Variants in SPACA6 observed in about 807,000 individuals in gnomAD.
SPACA6 encodes the protein sperm acrosome associated 6.
For missense variants in SPACA6, 8 were observed against 2.8 expected, an observed-to-expected ratio of 2.88 and a Z score of -1.34; for synonymous variants, 6 against 1.5, an observed-to-expected ratio of 4.05 and a Z score of -2.21.
upstream of SPACA6, chr19:51,687,609 T>C (rs147567396): frequency 1.2e-3 from 178 of 151,892 alleles, no homozygotes; most frequent in African/African-American, 4.1e-3. Flanking sequence ...CATAAGAAAT[T>C]AGTGAATATA....
intron 1 of SPACA6, chr19:51,694,011 A>C: frequency 3.2e-6 from 1 of 308,662 alleles, no homozygotes; most frequent in Non-Finnish European, 5.8e-6. Context: ...AGAGAGAGGA[A>C]GATGGAGACT....
chr19:51,698,920 T>G (rs2083448755), intron 2 of SPACA6, among the ~76,000 whole-genome samples: 1 of 152,190 alleles, frequency 6.6e-6, no homozygotes, highest in Non-Finnish European at 1.5e-5. Context: ...GTCCTCATGG[T>G]CCCGTGTGGC....
At chr19:51,694,413 G>C (rs1002645618) in intron 1 of SPACA6, 65 bp from the exon 2 acceptor site, 5 of 398,318 alleles carry the variant, frequency 1.3e-5, no homozygotes, top group Non-Finnish European at 2.2e-5. Context: ...CAGAATGTTC[G>C]CATTAGGGAC....
intron 2 of SPACA6, 64 bp downstream of exon 2, chr19:51,694,619 G>A: frequency 2.5e-6 from 1 of 399,496 alleles, no homozygotes; most frequent in Non-Finnish European, 4.4e-6. Context: ...ATGGGTATGT[G>A]GGAGGGCCCA....
intron 4 of SPACA6, 179 bp from the exon 5 acceptor site, chr19:51,702,842 A>T: frequency 2.5e-6 from 1 of 398,532 alleles, no homozygotes; most frequent in Non-Finnish European, 4.4e-6. Flanking sequence ...GCCGAAGCAA[A>T]CCAATAGGAA....
At chr19:51,702,799 A>G in intron 4 of SPACA6, 147 bp downstream of exon 4, 1 of 398,746 alleles carries the variant, frequency 2.5e-6, no homozygotes, top group Non-Finnish European at 4.4e-6. Flanking sequence ...AAAACCAAGT[A>G]TTGCTCTAAA....
intron 3 of SPACA6, 75 bp downstream of exon 3, chr19:51,701,801 G>A (rs2083470598): frequency 5.1e-6 from 2 of 392,514 alleles, no homozygotes; most frequent in Non-Finnish European, 9.0e-6. Context: ...GGCCGGGGAT[G>A]GTGGCTCACG....
upstream of SPACA6, chr19:51,692,722 C>T (rs750563203): frequency 6.0e-5 from 32 of 534,010 alleles, no homozygotes; most frequent in Non-Finnish European, 1.2e-5. This position sits in a 1 kb window ranked among gnomAD's most constrained non-coding sequence, Gnocchi z 5.6. Flanking sequence ...CGGCCCTCCC[C>T]CTCATCCCTG....
chr19:51,710,025 G>C (rs1479935752), downstream of SPACA6, among the ~76,000 whole-genome samples: 1 of 152,218 alleles, frequency 6.6e-6, no homozygotes, highest in African/African-American at 2.4e-5. Context: ...AAGGTGACCT[G>C]TGCGACTGAG....
At chr19:51,713,031 G>C, downstream of SPACA6, 1 of 182,020 alleles carries the variant, frequency 5.5e-6, no homozygotes, top group East Asian at 1.4e-4. The surrounding 1 kb of genome is among the most constrained non-coding windows in gnomAD (Gnocchi z 4.5). Context: ...GGTTCAAACG[G>C]CTAGCACCCA....
intron 2 of SPACA6, among the ~76,000 whole-genome samples, chr19:51,695,219 G>A (rs1216209703): frequency 6.6e-6 from 1 of 152,144 alleles, no homozygotes; most frequent in Non-Finnish European, 1.5e-5. Context: ...GGTGAGACAG[G>A]CACATGTGAC....
At chr19:51,705,560 AAT>A (rs2083511682), downstream of SPACA6, among the ~76,000 whole-genome samples, 1 of 151,600 alleles carries the variant, frequency 6.6e-6, no homozygotes, top group South Asian at 2.1e-4. Flanking sequence ...TTAACTCCTA[AAT>A]ATCTCATGAA....
chr19:51,691,494 C>T (rs935552445), upstream of SPACA6, among the ~76,000 whole-genome samples: 8 of 147,292 alleles, frequency 5.4e-5, no homozygotes, highest in African/African-American at 2.0e-4. Flanking sequence ...GGATGAAAGA[C>T]AGAAGGTAGA....
chr19:51,704,668 C>T (rs1424875213), intron 8 of SPACA6, 188 bp downstream of exon 8: 4 of 399,342 alleles, frequency 1.0e-5, no homozygotes, highest in Non-Finnish European at 1.8e-5. Context: ...CAGCCCCCTC[C>T]TCCCTTAGAT....
chr19:51,711,416 T>C (rs1309396157), intron 2 of SPACA6, among the ~76,000 whole-genome samples: 2 of 152,158 alleles, frequency 1.3e-5, no homozygotes, highest in Non-Finnish European at 1.5e-5. Flanking sequence ...GTAGAGAAAT[T>C]AGAACCCTCA....
upstream of SPACA6, chr19:51,686,308 T>G (rs2083328193): frequency 6.6e-6 from 1 of 152,230 alleles, no homozygotes; most frequent in African/African-American, 2.4e-5. Context: ...GCCCCTGCTC[T>G]GAGCCATGCC....
intron 2 of SPACA6, among the ~76,000 whole-genome samples, chr19:51,696,828 A>C (rs958781641): frequency 6.6e-6 from 1 of 152,298 alleles, no homozygotes; most frequent in South Asian, 2.1e-4. Flanking sequence ...GCAAGGTGAC[A>C]GTGACAGCGA....
At chr19:51,700,323 T>C (rs1281565087) in intron 2 of SPACA6, among the ~76,000 whole-genome samples, 1 of 151,196 alleles carries the variant, frequency 6.6e-6, no homozygotes, top group Admixed American at 6.6e-5. Flanking sequence ...TAGAAGTGAA[T>C]AGAGGCTGGG....
the SPACA6 span, among the ~76,000 whole-genome samples, chr19:51,683,420 T>C: frequency 6.6e-6 from 1 of 152,080 alleles, no homozygotes; most frequent in Non-Finnish European, 1.5e-5. Context: ...CTTTAACATA[T>C]ATATTTGGTG....
Sources: gnomAD v4.1 joint callset for allele counts (sites outside exome capture counted in the v4.1 genomes callset) on GRCh38, gnomAD v4.1.1 for gene constraint, Gnocchi (gnomAD v3.1) non-coding constraint, MANE v1.5 for transcripts, NCBI Gene and HGNC (gene_info 2026-07-23, HGNC 2026-07-21) for gene names.